Variants in COL18A1 observed in about 807,000 individuals in gnomAD.
The protein encoded by COL18A1 is collagen type XVIII alpha 1 chain.
COL18A1 carries 133 observed loss-of-function variants against 168.0 expected under a neutral mutation model. The observed-to-expected ratio is 0.79, with a 90% CI of 0.69 to 0.91. The LOEUF is 0.91. COL18A1 is among the 40% of genes least tolerant of loss of function. The pLI is 0.00. For missense variants in COL18A1, 2,126 were observed against 1,925.4 expected, an observed-to-expected ratio of 1.10 and a Z score of -1.95; for synonymous variants, 949 against 809.0, an observed-to-expected ratio of 1.17 and a Z score of -2.94.
At chr21:45,492,000 G>T (rs762539084) in intron 22 of COL18A1, among the ~76,000 whole-genome samples, 2 of 152,226 alleles carry the variant, frequency 1.3e-5, no homozygotes, top group Non-Finnish European at 2.9e-5. Context: ...AGCAGGCACC[G>T]TCAGCTGTGT....
intron 4 of COL18A1, 68 bp from the exon 5 acceptor site, chr21:45,475,408 A>G: frequency 2.1e-6 from 3 of 1,431,950 alleles, no homozygotes; most frequent in Non-Finnish European, 2.9e-6. Context: ...TTTGCTTCCC[A>G]GGCCTGCCGG....
intron 5 of COL18A1, among the ~76,000 whole-genome samples, chr21:45,475,877 G>A (rs1037554557): frequency 2.6e-5 from 4 of 150,964 alleles, no homozygotes; most frequent in Non-Finnish European, 4.4e-5. Flanking sequence ...GGGAATGAAC[G>A]CGTGTGTGAG....
rs1233187233 is a variant in COL18A1 at position 45,512,403 on chromosome 21, C to T, written c.*5C>T. ...TTCATGACTGCCTCCAAGTAGCCAC[C>T]GCCTGGATGCGGATGGCCGGAGAGG... On this transcript the variant is annotated 3_prime_UTR_variant, in exon 42 of 42. Coordinates refer to ENST00000651438, the MANE Select transcript of COL18A1 (RefSeq NM_001379500.1). The T allele has an allele frequency of 3.1e-6, 5 of 1,611,874 alleles. No homozygotes were observed. Among genetic ancestry groups the T allele is most frequent in the African/African-American group, 1.3e-5 (1 of 75,010 alleles).
intron 2 of COL18A1, among the ~76,000 whole-genome samples, chr21:45,441,346 C>T (rs779396920): frequency 6.6e-6 from 1 of 152,330 alleles, no homozygotes; most frequent in Admixed American, 6.5e-5. Context: ...GACGCTGCCC[C>T]TACTGTCCCC....
intron 2 of COL18A1, among the ~76,000 whole-genome samples, chr21:45,410,391 G>T (rs1387176333): frequency 1.3e-5 from 2 of 150,076 alleles, no homozygotes; most frequent in African/African-American, 5.0e-5. Context: ...GTGGGCACAC[G>T]CTGGTGCTGG....
intron 2 of COL18A1, among the ~76,000 whole-genome samples, chr21:45,439,274 G>A (rs191828819): frequency 6.6e-6 from 1 of 152,356 alleles, no homozygotes; most frequent in Non-Finnish European, 1.5e-5. Context: ...TGGACCGCCC[G>A]AGTGGCCGTG....
At chr21:45,451,668 C>A (rs1227590829) in intron 2 of COL18A1, among the ~76,000 whole-genome samples, 1 of 152,160 alleles carries the variant, frequency 6.6e-6, no homozygotes, top group East Asian at 1.9e-4. Flanking sequence ...GAGGGGAAGG[C>A]GGTGGGATTT....
intron 2 of COL18A1, chr21:45,467,482 G>A: frequency 1.0e-6 from 1 of 966,026 alleles, no homozygotes; most frequent in African/African-American, 1.8e-5. Flanking sequence ...ATCAGCATGG[G>A]GGGGATGGGG....
At chr21:45,422,497 T>C (rs755586122) in intron 2 of COL18A1, 1 of 526,290 alleles carries the variant, frequency 1.9e-6, no homozygotes, top group East Asian at 5.5e-5. Context: ...AGCCGGGGCC[T>C]TTGCGTGGCT....
At chr21:45,494,283 C>T (rs1015702342) in intron 26 of COL18A1, 3 of 483,072 alleles carry the variant, frequency 6.2e-6, no homozygotes, top group Admixed American at 3.2e-5. Context: ...TTCAGGGTCC[C>T]GGGGCATGCA....
chr21:45,486,404 C>T (rs11089008), intron 15 of COL18A1, among the ~76,000 whole-genome samples: 1 of 90,730 alleles, frequency 1.1e-5, no homozygotes, highest in Non-Finnish European at 2.2e-5. Flanking sequence ...CTCGCCTGCC[C>T]GGGAGCCAGG....
rs764547226 is a variant in COL18A1 at position 45,509,325 on chromosome 21, C to T, written c.3250-31C>T. The stretch of plus-strand genomic sequence containing the variant: ...AGGAGGGGCACCCGGAGGGTCCCCC[C>T]GCCGACAGGCCCCACGTCTCCCACC... On this transcript the variant is annotated intron_variant, in intron 38 of 41. Coordinates refer to ENST00000651438, the MANE Select transcript of COL18A1 (RefSeq NM_001379500.1). The T allele has an allele frequency of 4.2e-5, 65 of 1,539,298 alleles. No homozygotes were observed. In the South Asian group the frequency reaches 5.6e-4, roughly 13 times the overall value.
rs370772207 is a variant in COL18A1 at position 45,494,528 on chromosome 21, C to T, written c.2353-17C>T. 551 of 1,613,442 alleles carry T rather than the reference C, an allele frequency of 3.4e-4. 5 individuals carry two copies. The African/African-American group carries it at 6.8e-3, about 20-fold the overall frequency. On this transcript the variant is annotated splice_polypyrimidine_tract_variant and intron_variant, in intron 26 of 41. Transcript: ENST00000651438. ...ACAAGCTGCCACCTAACCCTGTCTTCTTGTTTTTTTGCTCAGGGAGAGCCG... is the reference window on the plus strand; with the variant it reads ...ACAAGCTGCCACCTAACCCTGTCTTTTTGTTTTTTTGCTCAGGGAGAGCCG...
At chr21:45,476,009 G>A (rs1044202131) in intron 5 of COL18A1, among the ~76,000 whole-genome samples, 2 of 152,198 alleles carry the variant, frequency 1.3e-5, no homozygotes, top group Non-Finnish European at 2.9e-5. Context: ...GGACTGAGGC[G>A]CGGTGCTGTC....
In COL18A1 at chr21:45,471,667, G is replaced by A. The variant is rs964230524; in HGVS notation, c.652-2228G>A. ...TCAGGTTTGTCAGTGGTCGTCTCCC[G>A]GGAAATCATGCACCCCTCCCAGCTG... On this transcript the variant is annotated intron_variant, in intron 3 of 41. Transcript: ENST00000651438. The surrounding 1 kb of genome is among the most constrained non-coding windows in gnomAD (Gnocchi z 4.4). Among the ~76,000 whole-genome samples the A allele has an allele frequency of 3.9e-5, 6 of 152,088 alleles. No individual in the cohort carries two copies. Among genetic ancestry groups the A allele is most frequent in the East Asian group, 1.9e-4 (1 of 5,188 alleles).
chr21:45,484,027 GCA>G (rs1163281806), intron 15 of COL18A1, among the ~76,000 whole-genome samples: 1 of 45,668 alleles, frequency 2.2e-5, no homozygotes, highest in Non-Finnish European at 3.5e-5. Context: ...ATGTACACAT[GCA>G]CACACACACC....
Position 45,479,918 on chromosome 21 carries a change from A to G in COL18A1, c.1265A>G (p.Gln422Arg). 1 of 1,613,606 alleles carries G rather than the reference A, an allele frequency of 6.2e-7. No homozygotes were observed. Among genetic ancestry groups the G allele is most frequent in the African/African-American group, 1.3e-5 (1 of 74,898 alleles). The change falls in exon 10 of 42, where the codon CAA becomes CGA. Residue 422 changes from glutamine to arginine, a missense_variant. Gln to Arg is a conservative substitution (Grantham distance 43). Transcript: ENST00000651438. The stretch of plus-strand genomic sequence containing the variant: ...GTGTTCCAGGGCGACACCGGGCCAC[A>G]AGGCTTCCCCGGGACTCCAGGGGAC... ...EDGKPGDTGP[Q>R]GFPGTPGDVG...
intron 2 of COL18A1, among the ~76,000 whole-genome samples, chr21:45,454,240 G>A (rs771267309): frequency 2.6e-5 from 4 of 152,166 alleles, no homozygotes; most frequent in Non-Finnish European, 5.9e-5. Flanking sequence ...GTCCCAAGCA[G>A]CCCAGCCCTG....
Position 45,463,263 on chromosome 21 carries a change from A to T in COL18A1, c.107-4979A>T, listed in dbSNP as rs73909572. ...CAGAGCACAGGTTCTCGATGTCTGC[A>T]GGACAGGGTCCTTTTTGCCGTCCTG... On this transcript the variant is annotated intron_variant, in intron 2 of 41. Transcript: ENST00000651438. This position sits in a 1 kb window ranked among gnomAD's most constrained non-coding sequence, Gnocchi z 4.0. Among the ~76,000 whole-genome samples, 621 of 152,352 alleles carry T rather than the reference A, an allele frequency of 4.1e-3. 6 individuals are homozygous for T. Among genetic ancestry groups the T allele is most frequent in the African/African-American group, 0.014 (598 of 41,570 alleles).
Sources: allele counts gnomAD v4.1 joint callset (sites outside exome capture counted in the v4.1 genomes callset), GRCh38; gene constraint gnomAD v4.1.1; non-coding constraint Gnocchi (gnomAD v3.1); transcripts MANE v1.5; gene names NCBI Gene and HGNC (gene_info 2026-07-23, HGNC 2026-07-21).